OTULIN: variants seen among roughly 807,000 people sequenced by gnomAD.
OTULIN encodes ubiquitin thioesterase otulin.
Under a neutral mutation model 39.6 loss-of-function variants are expected in OTULIN, and 15 were observed. The ratio of observed to expected loss-of-function variants is 0.38; its 90% confidence interval spans 0.25 to 0.58. OTULIN has a LOEUF of 0.58. Among genes scored for constraint, OTULIN ranks in the 20% least tolerant of loss-of-function variants. The pLI is 0.66. For synonymous variants in OTULIN, 156 were observed against 170.3 expected, an observed-to-expected ratio of 0.92 and a Z score of 0.65; for missense variants, 319 against 445.9, an observed-to-expected ratio of 0.72 and a Z score of 2.56.
chr5:14,687,147 A>G (rs1736406167), intron 4 of OTULIN, among the ~76,000 whole-genome samples: 1 of 152,148 alleles, frequency 6.6e-6, no homozygotes, highest in African/African-American at 2.4e-5. Flanking sequence ...CACTGTCCCG[A>G]GCCATGTGTT....
At position 14,699,333 on chromosome 5, in the gene OTULIN, A is replaced by T. The variant is rs1167964377; in HGVS notation, c.*6285A>T. The T allele has an allele frequency of 1.3e-5, 2 of 152,220 alleles. No individual in the cohort carries two copies. Among genetic ancestry groups the T allele is most frequent in the African/African-American group, 4.8e-5 (2 of 41,456 alleles). The allele number at this position is 152,220 out of a possible 1,614,324, so 9.4% of individuals were successfully genotyped here. A position where few individuals can be genotyped will look rare whatever the true frequency, so the allele number is the denominator to read the frequency against. On this transcript the variant is annotated 3_prime_UTR_variant, in exon 7 of 7. Transcript: ENST00000284274. ...GCAGAGCTCTGCCTTCCTGTTTGTCAAAGAACTAGAGTCTGGGAGTCTTGC... is the reference window on the plus strand; with the variant it reads ...GCAGAGCTCTGCCTTCCTGTTTGTCTAAGAACTAGAGTCTGGGAGTCTTGC...
At chr5:14,688,733 A>G (rs1361992322) in intron 5 of OTULIN, among the ~76,000 whole-genome samples, 1 of 152,204 alleles carries the variant, frequency 6.6e-6, no homozygotes, top group Middle Eastern at 3.2e-3. Context: ...ACTAGAATGC[A>G]GGATTTTTGT....
At chr5:14,671,184 C>T (rs755526843) in intron 1 of OTULIN, among the ~76,000 whole-genome samples, 3 of 152,106 alleles carry the variant, frequency 2.0e-5, no homozygotes, top group Non-Finnish European at 2.9e-5. Context: ...GTTTAGAGAA[C>T]CTCCTCTGGG....
chr5:14,695,499 G>A lies in OTULIN; in HGVS notation c.*2451G>A, dbSNP rs1167960540. 6.6e-6 allele frequency: 1 copy of A among 152,212 alleles called. No individual in the cohort carries two copies. Among genetic ancestry groups the A allele is most frequent in the Non-Finnish European group, 1.5e-5 (1 of 68,020 alleles). The allele number at this position is 152,212 out of a possible 1,614,324, so 9.4% of individuals were successfully genotyped here. ...CTAACTTTCTATCCCAGAGTGTCTT[G>A]CAAGAGTTTAGGAGTTTTGGACCCT... On this transcript the variant is annotated 3_prime_UTR_variant, in exon 7 of 7. Transcript: ENST00000284274.
chr5:14,714,408 T>C, the OTULIN span, among the ~76,000 whole-genome samples: 16 of 152,202 alleles, frequency 1.1e-4, no homozygotes, highest in African/African-American at 3.6e-4. Flanking sequence ...CATCTGAAAC[T>C]GGAAAGGCTT....
In OTULIN at chr5:14,698,847, T is replaced by C. The variant is rs1736738969; in HGVS notation, c.*5799T>C. On this transcript the variant is annotated 3_prime_UTR_variant, in exon 7 of 7. Transcript: ENST00000284274. ...AGCACAGTGCTTAACCCATACTAAG[T>C]GCCCCCAACCCTGCCAGCCAAATTA... 1 of 152,362 alleles carries C rather than the reference T, an allele frequency of 6.6e-6. No individual in the cohort carries two copies. Among genetic ancestry groups the C allele is most frequent in the South Asian group, 2.1e-4 (1 of 4,834 alleles). 9.4% of individuals were successfully genotyped at this position (152,362 alleles called of 1,614,324 possible).
intron 1 of OTULIN, among the ~76,000 whole-genome samples, chr5:14,668,459 C>T (rs1344203069): frequency 6.6e-6 from 1 of 152,192 alleles, no homozygotes; most frequent in African/African-American, 2.4e-5. Context: ...GTGTTGTTCA[C>T]CCATCTCTGA....
downstream of OTULIN, among the ~76,000 whole-genome samples, chr5:14,701,754 G>A (rs1358026655): frequency 1.3e-5 from 2 of 152,064 alleles, no homozygotes; most frequent in African/African-American, 2.4e-5. Flanking sequence ...TGTGAGTGTC[G>A]TCCTCTCTGG....
At chr5:14,682,084 G>C (rs1254644145) in intron 4 of OTULIN, among the ~76,000 whole-genome samples, 1 of 152,224 alleles carries the variant, frequency 6.6e-6, no homozygotes, top group East Asian at 1.9e-4. Context: ...GGGGCTTCCT[G>C]AGGAGCTGAG....
At chr5:14,699,861 G>A (rs1015397460), downstream of OTULIN, 3 of 152,142 alleles carry the variant, frequency 2.0e-5, no homozygotes, top group Admixed American at 6.6e-5. Flanking sequence ...GTCTGGGCTC[G>A]GTTGCCTGTT....
downstream of OTULIN, among the ~76,000 whole-genome samples, chr5:14,704,407 C>T (rs1238351258): frequency 1.4e-5 from 2 of 148,068 alleles, no homozygotes; most frequent in Non-Finnish European, 3.0e-5. Flanking sequence ...GTAAGAATCT[C>T]TTAGATGTGG....
the OTULIN span, chr5:14,713,761 G>T: frequency 1.9e-6 from 3 of 1,572,198 alleles, no homozygotes; most frequent in East Asian, 6.7e-5. The surrounding 1 kb of genome is among the most constrained non-coding windows in gnomAD (Gnocchi z 4.4). Context: ...GAGAGCCAGG[G>T]GCTGCCTAGG....
the OTULIN span, chr5:14,712,839 C>T: frequency 3.2e-6 from 5 of 1,564,618 alleles, no homozygotes; most frequent in African/African-American, 4.1e-5. Context: ...CAGGAGGATG[C>T]ACCCGGGAGG....
At chr5:14,681,383 G>A (rs1579969041) in intron 3 of OTULIN, 81 bp from the exon 4 acceptor site, 2 of 1,506,674 alleles carry the variant, frequency 1.3e-6, no homozygotes, top group East Asian at 2.3e-5. Flanking sequence ...CCCAGGCCAA[G>A]CTTTTTCCAC....
intron 1 of OTULIN, among the ~76,000 whole-genome samples, chr5:14,670,116 T>C (rs1157541804): frequency 6.6e-6 from 1 of 152,238 alleles, no homozygotes; most frequent in Non-Finnish European, 1.5e-5. Context: ...ATTTAGACTT[T>C]GGCTTAACTT....
intron 2 of OTULIN, among the ~76,000 whole-genome samples, chr5:14,675,463 A>G (rs1360936775): frequency 2.0e-5 from 3 of 152,380 alleles, no homozygotes; most frequent in East Asian, 3.9e-4. Flanking sequence ...GCACCGTTCC[A>G]GTCTTCCATG....
chr5:14,691,598 CT>C (rs910484756), intron 6 of OTULIN, among the ~76,000 whole-genome samples: 201 of 134,642 alleles, frequency 1.5e-3, no homozygotes, highest in Middle Eastern at 4.0e-3. Flanking sequence ...TGAGTCCATT[CT>C]TTTTTTTTTT....
chr5:14,667,164 T>A (rs1735870362), intron 1 of OTULIN, among the ~76,000 whole-genome samples: 1 of 152,204 alleles, frequency 6.6e-6, no homozygotes, highest in Non-Finnish European at 1.5e-5. Context: ...CAGTGGACAG[T>A]AATTACAAAT....
intron 5 of OTULIN, among the ~76,000 whole-genome samples, chr5:14,689,204 C>G (rs1356000162): frequency 6.6e-6 from 1 of 152,132 alleles, no homozygotes; most frequent in East Asian, 1.9e-4. Context: ...TGATTGGCAA[C>G]TTGGTCTAGT....
Sources: gnomAD v4.1 joint callset for allele counts (sites outside exome capture counted in the v4.1 genomes callset) on GRCh38, gnomAD v4.1.1 for gene constraint, Gnocchi (gnomAD v3.1) non-coding constraint, MANE v1.5 for transcripts, NCBI Gene and HGNC (gene_info 2026-07-23, HGNC 2026-07-21) for gene names.